The following DEAF1 variants were observed in gnomAD, a reference collection of about 807,000 sequenced individuals.
DEAF1 encodes the protein DEAF1 transcription factor, also known as deformed epidermal autoregulatory factor 1 homolog.
DEAF1 carries 53 observed loss-of-function variants against 58.9 expected under a neutral mutation model. That is an observed-to-expected ratio of 0.90 (90% CI 0.72 to 1.13). The LOEUF (loss-of-function observed/expected upper bound fraction) is 1.13. Among genes scored for constraint, DEAF1 ranks in the 50% most tolerant of loss-of-function variants. The pLI, the probability that DEAF1 is intolerant of heterozygous loss-of-function variation, is 0.00. For synonymous variants in DEAF1, 385 were observed against 340.4 expected (o/e 1.13, Z -1.44); for missense variants, 685 against 791.4 (o/e 0.87, Z 1.61).
chr11:669,488 T>G (rs1178663859), intron 10 of DEAF1, among the ~76,000 whole-genome samples: 1 of 150,940 alleles, frequency 6.6e-6, no homozygotes, highest in Non-Finnish European at 1.5e-5. Flanking sequence ...AATACAAAAT[T>G]AGCTGGGCGT....
chr11:660,148 C>G (rs1157906352), intron 10 of DEAF1, among the ~76,000 whole-genome samples: 1 of 152,236 alleles, frequency 6.6e-6, no homozygotes, highest in Non-Finnish European at 1.5e-5. Context: ...CTGGATTACT[C>G]TCCCTCGAGG....
chr11:646,849 C>G (rs893384556), intron 11 of DEAF1, among the ~76,000 whole-genome samples: 2 of 152,102 alleles, frequency 1.3e-5, no homozygotes, highest in African/African-American at 4.8e-5. Flanking sequence ...AAGAAGCTAA[C>G]AATGAAAGTG....
intron 10 of DEAF1, 103 bp from the exon 11 acceptor site, chr11:654,154 C>G (rs1858930966): frequency 4.0e-6 from 3 of 753,134 alleles, no homozygotes; most frequent in Admixed American, 5.1e-5. Context: ...AAGTTCCCCC[C>G]ATTGGACCCC....
intron 11 of DEAF1, among the ~76,000 whole-genome samples, chr11:651,791 C>A (rs1245609280): frequency 6.6e-6 from 1 of 152,186 alleles, no homozygotes; most frequent in Non-Finnish European, 1.5e-5. Context: ...GAGGCTGAGG[C>A]AGGAGAATGG....
intron 6 of DEAF1, among the ~76,000 whole-genome samples, chr11:684,621 C>T (rs1194175303): frequency 6.6e-6 from 1 of 152,102 alleles, no homozygotes; most frequent in Non-Finnish European, 1.5e-5. Flanking sequence ...AGAGTTAAGG[C>T]GGTGACATTA....
intron 10 of DEAF1, among the ~76,000 whole-genome samples, chr11:662,391 C>G (rs1589984408): frequency 1.3e-5 from 2 of 152,366 alleles, no homozygotes; most frequent in Non-Finnish European, 2.9e-5. Flanking sequence ...AAGCCTTCCT[C>G]CCATTCTGCA....
intron 11 of DEAF1, among the ~76,000 whole-genome samples, chr11:653,243 ACGCTGTCTCTCGCGTGGCTCTG>A (rs2133286456): frequency 6.8e-6 from 1 of 147,368 alleles, no homozygotes; most frequent in South Asian, 2.2e-4. Flanking sequence ...GGAACTGTGG[ACGCTGTCTCTCGCGTGGCTCTG>A]CAGGGGTGTG....
Position 674,541 on chromosome 11 carries a change from T to A in DEAF1, c.1498A>T (p.Lys500Ter), listed in dbSNP as rs1859969530. The change falls in exon 10 of 12, where the codon AAG (lysine) becomes TAG (stop). Residue 500 changes from lysine to a stop codon, truncating the protein, a stop_gained. Coordinates refer to ENST00000382409, the MANE Select transcript of DEAF1 (RefSeq NM_021008.4). LOFTEE classifies it high-confidence loss of function. The stretch of plus-strand genomic sequence containing the variant: ...CCCATTTGTTCCAAGGTTACCTCCT[T>A]CCGCTCTGCGTCAGCGTGGATCTTG... ...QAKIHADAER[K>*]EQSCVNCGRE... 1 of 1,614,004 alleles carries A rather than the reference T, an allele frequency of 6.2e-7. No homozygotes were observed. The highest frequency in any genetic ancestry group is 1.3e-5 in the African/African-American group (1 of 74,994).
At chr11:704,707 G>A in intron 1 of DEAF1, 1 of 1,230,178 alleles carries the variant, frequency 8.1e-7, no homozygotes, top group Non-Finnish European at 1.1e-6. Context: ...TGTTCCACAG[G>A]GAACGCCATG....
chr11:699,800 A>G (rs114160783), upstream of DEAF1: 2,407 of 259,872 alleles, frequency 9.3e-3, 61 homozygotes, highest in African/African-American at 0.048. Context: ...TTAACTCATA[A>G]CTGGGGCCAA....
At chr11:694,709 G>C (rs965083301) in intron 1 of DEAF1, 50 bp downstream of exon 1, 26 of 1,274,152 alleles carry the variant, frequency 2.0e-5, no homozygotes, top group African/African-American at 3.1e-5. Context: ...AGGCGCGCGG[G>C]GTAGGCGCGC....
At chr11:653,083 C>CAAAAAAAAAA (rs71022946) in intron 11 of DEAF1, among the ~76,000 whole-genome samples, 1 of 62,274 alleles carries the variant, frequency 1.6e-5, no homozygotes, top group Non-Finnish European at 2.7e-5. Context: ...GACTCTGTCT[C>CAAAAAAAAAA]AAAAAAAAAA....
intron 11 of DEAF1, among the ~76,000 whole-genome samples, chr11:648,380 A>G (rs1489719988): frequency 1.1e-4 from 16 of 152,022 alleles, no homozygotes; most frequent in Non-Finnish European, 2.4e-4. Context: ...TATTTTTAGT[A>G]GAGACGGGGT....
At chr11:695,716 G>A (rs972377061), upstream of DEAF1, 1 of 1,240,876 alleles carries the variant, frequency 8.1e-7, no homozygotes, top group Non-Finnish European at 1.0e-6. Context: ...CTCCCGAAAC[G>A]CGGCGCGGTC....
chr11:686,954 ACTGTACCAGT>A lies in DEAF1; in HGVS notation c.698_707del (p.Asn233IlefsTer37). The A allele has an allele frequency of 6.2e-7, 1 of 1,614,018 alleles. No homozygotes were observed. The highest frequency in any genetic ancestry group is 8.5e-7 in the Non-Finnish European group (1 of 1,180,016). Reference sequence around the variant, plus strand: ...CTGCCATGGCCTCAAACTCGGTGGGACTGTACCAGTTCTCCCCCTGCTTGATGCACCGTCC... The same window carrying A: ...CTGCCATGGCCTCAAACTCGGTGGGATCTCCCCCTGCTTGATGCACCGTCC... On this transcript the variant is annotated frameshift_variant, in exon 5 of 12. Coordinates refer to ENST00000382409, the MANE Select transcript of DEAF1 (RefSeq NM_021008.4). LOFTEE classifies it high-confidence loss of function.
intron 11 of DEAF1, among the ~76,000 whole-genome samples, chr11:649,579 G>T (rs60031802): frequency 0.2 from 30,603 of 151,532 alleles, 3,853 homozygotes; most frequent in Non-Finnish European, 0.28. Context: ...AATTAGCCGG[G>T]TCTGATGGCA....
chr11:695,579 CCGAGA>C, upstream of DEAF1: 2 of 1,237,306 alleles, frequency 1.6e-6, no homozygotes, highest in Non-Finnish European at 1.0e-6. Flanking sequence ...CGAGGCCGAG[CCGAGA>C]CGAGCCGAAT....
intron 11 of DEAF1, among the ~76,000 whole-genome samples, chr11:652,760 T>C (rs1479984384): frequency 6.6e-6 from 1 of 151,610 alleles, no homozygotes; most frequent in Non-Finnish European, 1.5e-5. Flanking sequence ...GCATCTCTCA[T>C]AAATATGAGA....
chr11:648,476 T>G (rs73402972), intron 11 of DEAF1, among the ~76,000 whole-genome samples: 44,647 of 151,858 alleles, frequency 0.29, 7,571 homozygotes, highest in African/African-American at 0.47. Flanking sequence ...ATTACAGGCG[T>G]GAGCCACCGT....
Sources: gnomAD v4.1 joint callset for allele counts (sites outside exome capture counted in the v4.1 genomes callset) on GRCh38, gnomAD v4.1.1 for gene constraint, MANE v1.5 for transcripts, NCBI Gene and HGNC (gene_info 2026-07-23, HGNC 2026-07-21) for gene names.